The following PPP1R42 variants were observed in gnomAD, a reference collection of about 807,000 sequenced individuals.
PPP1R42 encodes protein phosphatase 1 regulatory subunit 42.
PPP1R42 carries 34 observed loss-of-function variants against 31.0 expected under a neutral mutation model. The observed-to-expected ratio is 1.10, with a 90% confidence interval of 0.83 to 1.46. The LOEUF is 1.46. Among genes scored for constraint, PPP1R42 ranks in the 40% most tolerant of loss-of-function variants. The pLI, the probability that PPP1R42 is intolerant of heterozygous loss-of-function variation, is 0.00. For synonymous variants in PPP1R42, 103 were observed against 109.8 expected, an observed-to-expected ratio of 0.94 and a Z score of 0.39; for missense variants, 268 against 303.0, an observed-to-expected ratio of 0.88 and a Z score of 0.86.
chr8:66,992,156 C>T (rs569600607), intron 5 of PPP1R42, among the ~76,000 whole-genome samples: 3 of 152,272 alleles, frequency 2.0e-5, no homozygotes, highest in South Asian at 2.1e-4. Flanking sequence ...TGTGATTCTA[C>T]GTTCTTGCAT....
At chr8:66,970,120 G>A (rs1382898448) in intron 7 of PPP1R42, among the ~76,000 whole-genome samples, 1 of 151,894 alleles carries the variant, frequency 6.6e-6, no homozygotes, top group Non-Finnish European at 1.5e-5. Context: ...ATTACTTTCT[G>A]GTATGGGTAT....
intron 1 of PPP1R42, among the ~76,000 whole-genome samples, chr8:67,018,825 CTT>C (rs1554542360): frequency 5.4e-4 from 26 of 48,394 alleles, no homozygotes; most frequent in Admixed American, 1.1e-3. Flanking sequence ...CCCCCCCCCC[CTT>C]TTTTTTTTTT....
intron 1 of PPP1R42, among the ~76,000 whole-genome samples, chr8:67,020,305 C>T (rs184285571): frequency 5.9e-5 from 9 of 152,064 alleles, no homozygotes; most frequent in African/African-American, 2.2e-4. Context: ...TGGGTTCAAG[C>T]AATTCTGCCT....
At chr8:66,988,350 AG>A in intron 6 of PPP1R42, 49 bp downstream of exon 6, 2 of 1,305,414 alleles carry the variant, frequency 1.5e-6, no homozygotes, top group South Asian at 4.9e-5. Flanking sequence ...ATAACCAAAA[AG>A]TTAACTAGGT....
At chr8:67,019,642 C>T (rs978273640) in intron 1 of PPP1R42, among the ~76,000 whole-genome samples, 1 of 151,818 alleles carries the variant, frequency 6.6e-6, no homozygotes, top group African/African-American at 2.4e-5. Flanking sequence ...ACTAAGTCCC[C>T]AGCACTTTGG....
In PPP1R42 at chr8:67,017,688, T is replaced by C. The variant is rs775162792; in HGVS notation, c.60A>G (p.Glu20=). Residue 20 remains glutamate (E), a synonymous_variant, in exon 2 of 8, where the codon GAA becomes GAG. Transcript: ENST00000685739. The part of the protein sequence containing the change: ...ARNSNLKPRK[E]ETISQCLKKI... The stretch of plus-strand genomic sequence containing the variant: ...TCTTCAGGCACTGTGAAATGGTTTC[T>C]TCTTTTCGGGGTTTAAGATTGCTGT... 1.2e-6 allele frequency: 2 copies of C among 1,603,434 alleles called. No individual in the cohort carries two copies. The highest frequency in any genetic ancestry group is 4.5e-5 in the East Asian group (2 of 44,378).
chr8:67,018,590 G>A (rs1816092119), intron 1 of PPP1R42, among the ~76,000 whole-genome samples: 1 of 151,074 alleles, frequency 6.6e-6, no homozygotes, highest in Non-Finnish European at 1.5e-5. Context: ...TTGGCTGACT[G>A]CAACCTCCGT....
chr8:66,985,887 G>A, intron 6 of PPP1R42: 2 of 1,017,778 alleles, frequency 2.0e-6, no homozygotes, highest in Non-Finnish European at 3.0e-6. Context: ...TCAAAATGGG[G>A]TATTTGCTGC....
At chr8:67,021,282 C>A (rs1390455990) in intron 1 of PPP1R42, 1 of 151,846 alleles carries the variant, frequency 6.6e-6, no homozygotes, top group Non-Finnish European at 1.5e-5. Context: ...TATAAATTGC[C>A]CACAATAAAA....
chr8:66,972,197 T>A (rs939392824), intron 7 of PPP1R42, among the ~76,000 whole-genome samples: 1 of 152,196 alleles, frequency 6.6e-6, no homozygotes, highest in Non-Finnish European at 1.5e-5. Context: ...TATACAGGGA[T>A]GTCACTGCTT....
intron 7 of PPP1R42, among the ~76,000 whole-genome samples, chr8:66,966,404 C>T (rs1283945868): frequency 6.6e-6 from 1 of 152,156 alleles, no homozygotes; most frequent in Non-Finnish European, 1.5e-5. Flanking sequence ...ACGTTGGGTC[C>T]TTCTGATTGT....
intron 5 of PPP1R42, 93 bp downstream of exon 5, chr8:67,010,622 T>A: frequency 1.2e-6 from 1 of 840,748 alleles, no homozygotes; most frequent in Non-Finnish European, 1.9e-6. Flanking sequence ...GAGTAGTTTT[T>A]AATGTGATAT....
At chr8:66,975,393 A>AT (rs1194524691) in intron 7 of PPP1R42, among the ~76,000 whole-genome samples, 2 of 152,174 alleles carry the variant, frequency 1.3e-5, no homozygotes, top group African/African-American at 4.8e-5. Flanking sequence ...CATGCCTGTA[A>AT]TCCCAGGACT....
chr8:67,026,117 C>T (rs1041237861), intron 1 of PPP1R42, among the ~76,000 whole-genome samples: 2 of 151,848 alleles, frequency 1.3e-5, no homozygotes, highest in Non-Finnish European at 2.9e-5. Flanking sequence ...GGGTGGATCA[C>T]CTGAGGTCAG....
At chr8:67,019,646 A>G (rs888627395) in intron 1 of PPP1R42, among the ~76,000 whole-genome samples, 2 of 151,884 alleles carry the variant, frequency 1.3e-5, no homozygotes, top group Non-Finnish European at 2.9e-5. Flanking sequence ...AGTCCCCAGC[A>G]CTTTGGGAAG....
chr8:66,985,149 A>G, intron 6 of PPP1R42: 1 of 1,154,024 alleles, frequency 8.7e-7, no homozygotes, highest in Non-Finnish European at 1.3e-6. Flanking sequence ...CTGTTTTTTG[A>G]GCTGCTTGTG....
At chr8:67,025,111 AT>A (rs753305987) in intron 1 of PPP1R42, among the ~76,000 whole-genome samples, 4 of 140,942 alleles carry the variant, frequency 2.8e-5, no homozygotes, top group African/African-American at 8.0e-5. Flanking sequence ...CTAATTTTTT[AT>A]TTTTTTTATT....
intron 5 of PPP1R42, among the ~76,000 whole-genome samples, chr8:67,006,401 G>T (rs544328986): frequency 1.2e-4 from 19 of 152,250 alleles, no homozygotes; most frequent in African/African-American, 4.3e-4. Context: ...CTGCTTCACT[G>T]CAGTCTTGCA....
chr8:66,981,069 T>G (rs994375393), intron 7 of PPP1R42, among the ~76,000 whole-genome samples: 2 of 152,120 alleles, frequency 1.3e-5, no homozygotes, highest in African/African-American at 4.8e-5. Context: ...CTTGAACTCC[T>G]GACCTCATGT....
Sources: allele counts gnomAD v4.1 joint callset (sites outside exome capture counted in the v4.1 genomes callset), GRCh38; gene constraint gnomAD v4.1.1; transcripts MANE v1.5; gene names NCBI Gene and HGNC (gene_info 2026-07-23, HGNC 2026-07-21).